Variants in COL12A1 observed in about 807,000 individuals in gnomAD.
The protein encoded by COL12A1 is collagen alpha-1(XII) chain.
Under a neutral mutation model 349.7 loss-of-function variants are expected in COL12A1, and 114 were observed. That is an observed-to-expected ratio of 0.33 (90% CI 0.28 to 0.38). The LOEUF (loss-of-function observed/expected upper bound fraction) is 0.38, where lower values mean the gene tolerates loss of function less well. COL12A1 is among the 10% of genes least tolerant of loss of function. The probability of loss-of-function intolerance (pLI) is 1.00; values close to 1 mark genes in which losing one functional copy is unlikely to be tolerated. For missense variants in COL12A1, 3,284 were observed against 3,756.9 expected (o/e 0.87, Z 3.29); for synonymous variants, 1,369 against 1,329.0 (o/e 1.03, Z -0.66).
At chr6:75,087,479 CATCTT>C in intron 65 of COL12A1, 93 bp downstream of exon 65, 2 of 1,188,608 alleles carry the variant, frequency 1.7e-6, no homozygotes, top group Non-Finnish European at 2.4e-6. Context: ...ATCTTCAAGA[CATCTT>C]CAAATCAGCC....
At chr6:75,178,023 T>C in intron 11 of COL12A1, 88 bp from the exon 12 acceptor site, 2 of 1,225,970 alleles carry the variant, frequency 1.6e-6, no homozygotes, top group South Asian at 1.5e-5. Flanking sequence ...TATTACTAAA[T>C]TATACCATTT....
At position 75,085,527 on chromosome 6, in the gene COL12A1, G is replaced by A; in HGVS notation, c.*1020C>T. ...CCCAATTATTTCCAGATAATTTGGT[G>A]ATAATCAAATAATGAAATGGCACTT... On this transcript the variant is annotated 3_prime_UTR_variant, in exon 66 of 66. Transcript: ENST00000322507. The A allele has an allele frequency of 3.4e-6, 1 of 293,588 alleles. No individual in the cohort carries two copies. Among genetic ancestry groups the A allele is most frequent in the Non-Finnish European group, 7.1e-6 (1 of 140,594 alleles). 18.2% of individuals were successfully genotyped at this position (293,588 alleles called of 1,614,324 possible).
In COL12A1 at chr6:75,090,046, T is replaced by A. The variant is rs1359078928; in HGVS notation, c.8941+64A>T. The A allele has an allele frequency of 1.5e-5, 24 of 1,568,570 alleles. No homozygotes were observed. Among genetic ancestry groups the A allele is most frequent in the Non-Finnish European group, 2.1e-5 (24 of 1,146,260 alleles). ...GGTCACCTTTCAGATGCCTTCAACC[T>A]GTCCCAACTCCTACATTTGCAAATT... On this transcript the variant is annotated intron_variant, in intron 63 of 65. Transcript: ENST00000322507. The surrounding 1 kb of genome is among the most constrained non-coding windows in gnomAD (Gnocchi z 4.1).
chr6:75,147,750 T>C lies in COL12A1; in HGVS notation c.4342A>G (p.Thr1448Ala), dbSNP rs1767272656. 10 of 1,613,606 alleles carry C rather than the reference T, an allele frequency of 6.2e-6. No individual in the cohort carries two copies. Among genetic ancestry groups the C allele is most frequent in the Non-Finnish European group, 8.5e-6 (10 of 1,179,662 alleles). The change falls in exon 23 of 66, where the codon ACT becomes GCT. Residue 1448 changes from threonine to alanine, a missense_variant. This residue lies in a region of COL12A1 where 2,601 missense variants were observed against 2,824.8 expected (regional missense o/e 0.92). Transcript: ENST00000322507. ...STVLKDLKPE[T>A]EYVVNVYSVV... ...GAATACACATTGACAACATATTCAG[T>C]TTCAGGTTTCAGATCTTTCAGCACT... is the stretch of plus-strand genomic sequence containing the variant.
chr6:75,115,504 A>G (rs1769031285), intron 49 of COL12A1, among the ~76,000 whole-genome samples: 1 of 152,156 alleles, frequency 6.6e-6, no homozygotes, highest in African/African-American at 2.4e-5. Context: ...TCCTGTTTTA[A>G]CAGCTTTTCT....
intron 13 of COL12A1, among the ~76,000 whole-genome samples, chr6:75,170,167 T>G (rs923958354): frequency 6.6e-6 from 1 of 152,240 alleles, no homozygotes. Flanking sequence ...AATATAATTA[T>G]AACACAAATT....
At chr6:75,103,149 A>T (rs1768381873) in intron 55 of COL12A1, among the ~76,000 whole-genome samples, 1 of 152,164 alleles carries the variant, frequency 6.6e-6, no homozygotes, top group African/African-American at 2.4e-5. Flanking sequence ...CTCTTTTACA[A>T]TCTGTCTAGA....
rs1387799781 is a variant in COL12A1 at position 75,138,186 on chromosome 6, G to T, written c.5251+134C>A. 6 of 965,596 alleles carry T rather than the reference G, an allele frequency of 6.2e-6. No individual in the cohort carries two copies. In the Admixed American group the frequency reaches 8.3e-5, roughly 13 times the overall value. 59.8% of individuals were successfully genotyped at this position (965,596 alleles called of 1,614,324 possible). ...GCAAAGTTTTTCAAGAAAAGCCTAT[G>T]TAAAAGAGTTCTCAATGAACATCTT... is the stretch of plus-strand genomic sequence containing the variant. On this transcript the variant is annotated intron_variant, in intron 30 of 65. Coordinates refer to ENST00000322507, the MANE Select transcript of COL12A1 (RefSeq NM_004370.6).
rs557614474 is a variant in COL12A1, at chr6:75,133,044, G to A, written c.5794+249C>T. Among the ~76,000 whole-genome samples the A allele has an allele frequency of 2.0e-5, 3 of 152,302 alleles. No homozygotes were observed. In the East Asian group the frequency reaches 5.8e-4, roughly 29 times the overall value. On this transcript the variant is annotated intron_variant, in intron 34 of 65. Transcript: ENST00000322507. ...TTGTCAGTGAAAGAGATTAAGCAAA[G>A]TAGTATACTGATGATTATATGTACC...
chr6:75,119,619 A>T, intron 44 of COL12A1, 146 bp from the exon 45 acceptor site: 1 of 818,062 alleles, frequency 1.2e-6, no homozygotes, highest in South Asian at 2.4e-5. Context: ...CTTTATAGCT[A>T]ATATTACAAC....
intron 14 of COL12A1, among the ~76,000 whole-genome samples, chr6:75,161,905 G>C (rs919236505): frequency 1.3e-5 from 2 of 152,138 alleles, no homozygotes; most frequent in Admixed American, 6.5e-5. Flanking sequence ...ATTCACAATT[G>C]CTACAAAGAG....
At position 75,152,404 on chromosome 6, in the gene COL12A1, A is replaced by C; in HGVS notation, c.3644T>G (p.Phe1215Cys). Residue 1215 changes from phenylalanine to cysteine, a missense_variant, in exon 18 of 66, where the codon TTT becomes TGT. Coordinates refer to ENST00000322507, the MANE Select transcript of COL12A1 (RefSeq NM_004370.6). ...AGAAATGAAACTCCTCACGGTTCTA[A>C]AATTTGCCCGGCCGATGCTCCATGA... ...DGSWSIGRANFRTVRSFISRI... is the reference protein window; with the variant it reads ...DGSWSIGRANCRTVRSFISRI... 6.2e-7 allele frequency: 1 copy of C among 1,613,682 alleles called. No homozygotes were observed. The highest frequency in any genetic ancestry group is 2.2e-5 in the East Asian group (1 of 44,856).
chr6:75,166,816 A>G (rs936254660), intron 13 of COL12A1, among the ~76,000 whole-genome samples: 30 of 152,196 alleles, frequency 2.0e-4, no homozygotes, highest in Non-Finnish European at 3.8e-4. Flanking sequence ...TTTAACAATT[A>G]TATTTCAACA....
chr6:75,176,441 G>C (rs1394005072), intron 12 of COL12A1, among the ~76,000 whole-genome samples: 1 of 151,312 alleles, frequency 6.6e-6, no homozygotes, highest in East Asian at 1.9e-4. Context: ...GCAGTGGGAG[G>C]GAGGGCAGTG....
chr6:75,134,495 C>T (rs528440879), intron 32 of COL12A1, among the ~76,000 whole-genome samples: 108 of 151,896 alleles, frequency 7.1e-4, no homozygotes, highest in South Asian at 2.3e-3. Context: ...CGCTTGAACC[C>T]GGGAGGCAGA....
chr6:75,115,274 G>T (rs749649785), intron 49 of COL12A1, among the ~76,000 whole-genome samples: 1 of 151,964 alleles, frequency 6.6e-6, no homozygotes, highest in Non-Finnish European at 1.5e-5. Context: ...TCATACTCAG[G>T]TGCAAACATT....
rs1342172206 is a variant in COL12A1, at chr6:75,189,882, T to C, written c.395-67A>G. The C allele has an allele frequency of 7.2e-6, 11 of 1,531,534 alleles. No individual in the cohort carries two copies. In the African/African-American group the frequency reaches 1.4e-4, roughly 19 times the overall value. The allele number at this position is 1,531,534 out of a possible 1,614,324, so 94.9% of individuals were successfully genotyped here. A position where few individuals can be genotyped will look rare whatever the true frequency, so the allele number is the denominator to read the frequency against. ...ATCAACTCATCAATACATGTTAACATTGCAAAAATGTTGGCTCCTTAAATC... is the reference window on the plus strand; with the variant it reads ...ATCAACTCATCAATACATGTTAACACTGCAAAAATGTTGGCTCCTTAAATC... On this transcript the variant is annotated intron_variant, in intron 5 of 65. Coordinates refer to ENST00000322507, the MANE Select transcript of COL12A1 (RefSeq NM_004370.6).
At chr6:75,119,564 TG>T in intron 44 of COL12A1, 91 bp from the exon 45 acceptor site, 2 of 1,463,942 alleles carry the variant, frequency 1.4e-6, no homozygotes, top group South Asian at 1.5e-5. Flanking sequence ...AATAAAGCGG[TG>T]GGGGTGTAAA....
chr6:75,132,329 G>A (rs1023581274), intron 34 of COL12A1, among the ~76,000 whole-genome samples: 4 of 152,152 alleles, frequency 2.6e-5, no homozygotes, highest in Admixed American at 1.3e-4. Flanking sequence ...TAAACGTGGT[G>A]GAACTGGATT....
Sources: gnomAD v4.1 joint callset for allele counts (sites outside exome capture counted in the v4.1 genomes callset) on GRCh38, gnomAD v4.1.1 for gene constraint, gnomAD v4.1.1 regional missense constraint, Gnocchi (gnomAD v3.1) non-coding constraint, MANE v1.5 for transcripts, NCBI Gene and HGNC (gene_info 2026-07-23, HGNC 2026-07-21) for gene names.